Variants in FSTL5 observed in about 807,000 individuals in gnomAD.
The protein encoded by FSTL5 is follistatin-related protein 5.
In FSTL5, 62 loss-of-function variants were observed where a neutral mutation model predicts 89.1. The ratio of observed to expected loss-of-function variants is 0.70; its 90% CI spans 0.57 to 0.86. The LOEUF (loss-of-function observed/expected upper bound fraction) is 0.86. Ranked by LOEUF, FSTL5 falls within the 40% of genes least tolerant of loss-of-function variation. The pLI, the probability that FSTL5 is intolerant of heterozygous loss-of-function variation, is 0.00. For missense variants in FSTL5, 1,057 were observed against 1,001.6 expected (o/e 1.06, Z -0.75); for synonymous variants, 383 against 346.2 (o/e 1.11, Z -1.18).
intron 8 of FSTL5, among the ~76,000 whole-genome samples, chr4:161,556,028 G>A (rs79058471): frequency 0.075 from 11,359 of 151,578 alleles, 540 homozygotes; most frequent in Middle Eastern, 0.17. Flanking sequence ...GAAGCATGAC[G>A]TATTCCAAAC....
rs116162491 is a variant in FSTL5 at position 161,830,483 on chromosome 4, A to G, written c.410-54409T>C. On this transcript the variant is annotated intron_variant, in intron 4 of 15. Coordinates refer to ENST00000306100, the MANE Select transcript of FSTL5 (RefSeq NM_020116.5). Reference sequence around the variant, plus strand: ...AAAATGAAATTATGTTTGCAGGCATACTTTTTATTGAACTTTTTATTATGA... The same window carrying G: ...AAAATGAAATTATGTTTGCAGGCATGCTTTTTATTGAACTTTTTATTATGA... Among the ~76,000 whole-genome samples the G allele has an allele frequency of 4.1e-3, 620 of 152,128 alleles. 5 individuals carry two copies. The highest frequency in any genetic ancestry group is 0.014 in the African/African-American group (602 of 41,552).
intron 11 of FSTL5, 43 bp downstream of exon 11, chr4:161,510,355 T>A (rs1390309452): frequency 7.7e-7 from 1 of 1,292,702 alleles, no homozygotes; most frequent in Middle Eastern, 1.8e-4. Context: ...CTAATAATAA[T>A]CAAGCAAAAT....
intron 6 of FSTL5, among the ~76,000 whole-genome samples, chr4:161,671,069 C>T (rs1420237833): frequency 2.0e-5 from 3 of 152,182 alleles, no homozygotes; most frequent in Non-Finnish European, 4.4e-5. Flanking sequence ...CTCTAATCAG[C>T]TAATGAATTG....
chr4:161,424,110 C>A (rs1432274147), intron 15 of FSTL5, among the ~76,000 whole-genome samples: 1 of 141,654 alleles, frequency 7.1e-6, no homozygotes, highest in Admixed American at 7.7e-5. Flanking sequence ...ATCTCCTGGC[C>A]TCATGATCCG....
intron 6 of FSTL5, among the ~76,000 whole-genome samples, chr4:161,725,753 T>C (rs1231949832): frequency 6.6e-6 from 1 of 152,164 alleles, no homozygotes; most frequent in Non-Finnish European, 1.5e-5. Flanking sequence ...TAATGCTTGC[T>C]GAGTGCACTA....
intron 8 of FSTL5, among the ~76,000 whole-genome samples, chr4:161,572,794 T>G (rs1258050706): frequency 6.6e-6 from 1 of 152,002 alleles, no homozygotes; most frequent in African/African-American, 2.4e-5. Flanking sequence ...GAAACAGAAC[T>G]CTACCAACCC....
At chr4:161,389,676 A>G (rs1730754580) in intron 15 of FSTL5, among the ~76,000 whole-genome samples, 1 of 152,092 alleles carries the variant, frequency 6.6e-6, no homozygotes, top group South Asian at 2.1e-4. Context: ...ACGAGTTCCA[A>G]TTTCCTCATC....
intron 8 of FSTL5, among the ~76,000 whole-genome samples, chr4:161,564,490 C>G (rs1211950845): frequency 6.7e-6 from 1 of 149,772 alleles, no homozygotes; most frequent in Non-Finnish European, 1.5e-5. Flanking sequence ...TAATTGATAA[C>G]TAATATAATT....
chr4:161,974,097 G>C (rs1027074900), intron 3 of FSTL5, among the ~76,000 whole-genome samples: 4 of 152,082 alleles, frequency 2.6e-5, no homozygotes, highest in African/African-American at 7.2e-5. Context: ...CACTGCTCAA[G>C]GAAATACAAG....
At chr4:161,813,459 A>G (rs1413970357) in intron 4 of FSTL5, among the ~76,000 whole-genome samples, 2 of 152,232 alleles carry the variant, frequency 1.3e-5, no homozygotes, top group African/African-American at 2.4e-5. Flanking sequence ...GTGGAAAGAT[A>G]ATGTAGAATT....
At chr4:161,557,837 G>C (rs1424152973) in intron 8 of FSTL5, among the ~76,000 whole-genome samples, 3 of 151,672 alleles carry the variant, frequency 2.0e-5, no homozygotes, top group African/African-American at 7.3e-5. Flanking sequence ...GTAACTTATA[G>C]AGAATAAGCC....
chr4:161,450,304 G>A lies in FSTL5; in HGVS notation c.1841+4700C>T, dbSNP rs186516412. On this transcript the variant is annotated intron_variant, in intron 15 of 15. Transcript: ENST00000306100. The stretch of plus-strand genomic sequence containing the variant: ...TGCAAATTCTAGTTGCACCTGCACA[G>A]CAAGCTGCAATGTTCACACATAAGA... Among the ~76,000 whole-genome samples, 35 of 152,254 alleles carry A rather than the reference G, an allele frequency of 2.3e-4. 1 individual carries two copies. The highest frequency in any genetic ancestry group is 2.0e-3 in the Admixed American group (31 of 15,276).
chr4:161,900,784 G>T (rs3857011), intron 4 of FSTL5, among the ~76,000 whole-genome samples: 132,570 of 151,932 alleles, frequency 0.87, 58,887 homozygotes, highest in Non-Finnish European at 0.96. Context: ...ATAGTAGAAG[G>T]GTGGTACTTG....
At chr4:161,862,358 C>A (rs1213195546) in intron 4 of FSTL5, among the ~76,000 whole-genome samples, 3 of 152,128 alleles carry the variant, frequency 2.0e-5, no homozygotes, top group Admixed American at 1.3e-4. Flanking sequence ...AACATCACTA[C>A]CAAAATTAGG....
intron 4 of FSTL5, among the ~76,000 whole-genome samples, chr4:161,919,004 T>C (rs949336861): frequency 6.6e-6 from 1 of 152,096 alleles, no homozygotes; most frequent in Non-Finnish European, 1.5e-5. Flanking sequence ...ACCCTCAATT[T>C]GAGAATATGA....
chr4:161,556,859 T>C (rs1732413639), intron 8 of FSTL5, among the ~76,000 whole-genome samples: 1 of 150,792 alleles, frequency 6.6e-6, no homozygotes, highest in East Asian at 1.9e-4. Context: ...TATATATATA[T>C]ATAATCCTGG....
At chr4:161,560,900 G>T (rs758667712) in intron 8 of FSTL5, among the ~76,000 whole-genome samples, 1 of 151,816 alleles carries the variant, frequency 6.6e-6, no homozygotes, top group African/African-American at 2.4e-5. Context: ...ACTAAAATGC[G>T]TAGTAAACAT....
intron 4 of FSTL5, among the ~76,000 whole-genome samples, chr4:161,798,157 A>C (rs1000534866): frequency 6.6e-6 from 1 of 151,736 alleles, no homozygotes; most frequent in Non-Finnish European, 1.5e-5. Context: ...ATTTAATCAT[A>C]GGTTCATAGA....
At chr4:161,565,430 A>G (rs1416076759) in intron 8 of FSTL5, among the ~76,000 whole-genome samples, 1 of 151,866 alleles carries the variant, frequency 6.6e-6, no homozygotes, top group Non-Finnish European at 1.5e-5. Context: ...TTTGAGGGAA[A>G]AAATGCTAGT....
Sources: gnomAD v4.1 joint callset for allele counts (sites outside exome capture counted in the v4.1 genomes callset) on GRCh38, gnomAD v4.1.1 for gene constraint, MANE v1.5 for transcripts, NCBI Gene and HGNC (gene_info 2026-07-23, HGNC 2026-07-21) for gene names.